The following PSTPIP2 variants were observed in gnomAD, a reference collection of about 807,000 sequenced individuals.
PSTPIP2 encodes the protein proline-serine-threonine phosphatase interacting protein 2.
Under a neutral mutation model 63.3 loss-of-function variants are expected in PSTPIP2, and 33 were observed. That is an observed-to-expected ratio of 0.52 (90% CI 0.40 to 0.70). The LOEUF (loss-of-function observed/expected upper bound fraction) is 0.70, where lower values mean the gene tolerates loss of function less well. PSTPIP2 is among the 30% of genes least tolerant of loss of function. PSTPIP2 has a pLI of 0.00. For missense variants in PSTPIP2, 312 were observed against 400.7 expected (o/e 0.78, Z 1.89); for synonymous variants, 125 against 132.7 (o/e 0.94, Z 0.40).
At chr18:46,048,388 C>G (rs1189286918) in intron 1 of PSTPIP2, among the ~76,000 whole-genome samples, 1 of 152,212 alleles carries the variant, frequency 6.6e-6, no homozygotes, top group Non-Finnish European at 1.5e-5. Context: ...TTATGACCTC[C>G]AGAACCATAA....
chr18:45,990,287 T>C (rs752445268), intron 13 of PSTPIP2, among the ~76,000 whole-genome samples: 7 of 152,246 alleles, frequency 4.6e-5, no homozygotes, highest in Non-Finnish European at 8.8e-5. Flanking sequence ...AGTAGTATTA[T>C]AGTAAGATTC....
intron 3 of PSTPIP2, among the ~76,000 whole-genome samples, chr18:46,018,378 G>A (rs1291786487): frequency 2.0e-5 from 3 of 152,014 alleles, no homozygotes; most frequent in African/African-American, 4.8e-5. Context: ...TCAAGGCTTA[G>A]AGAGGTATCT....
At chr18:46,003,229 C>T (rs1004599727) in intron 6 of PSTPIP2, among the ~76,000 whole-genome samples, 6 of 152,188 alleles carry the variant, frequency 3.9e-5, no homozygotes, top group Non-Finnish European at 5.9e-5. Flanking sequence ...AGAGGGTGTA[C>T]ATCATTATTT....
chr18:46,020,517 G>T (rs942322920), intron 3 of PSTPIP2, among the ~76,000 whole-genome samples: 1 of 152,150 alleles, frequency 6.6e-6, no homozygotes, highest in African/African-American at 2.4e-5. Flanking sequence ...GCCAGGTGGG[G>T]TGGCGAGTGC....
chr18:46,001,974 C>T (rs1300744025), intron 6 of PSTPIP2, among the ~76,000 whole-genome samples: 2 of 152,026 alleles, frequency 1.3e-5, no homozygotes, highest in Non-Finnish European at 2.9e-5. Flanking sequence ...TGCTATCATC[C>T]CCTTCAGTTT....
At chr18:46,041,196 C>A in intron 1 of PSTPIP2, 1 of 390,980 alleles carries the variant, frequency 2.6e-6, no homozygotes, top group Non-Finnish European at 5.0e-6. Flanking sequence ...AACATGCTCT[C>A]CGTGGTCACT....
chr18:46,039,821 C>G (rs1908124263), intron 2 of PSTPIP2, 126 bp downstream of exon 2: 1 of 791,230 alleles, frequency 1.3e-6, no homozygotes, highest in Admixed American at 2.1e-5. Flanking sequence ...GGTATCATTC[C>G]ATAACCTAGA....
chr18:46,016,004 C>T (rs1453821621), intron 3 of PSTPIP2, 67 bp from the exon 4 acceptor site: 6 of 1,524,398 alleles, frequency 3.9e-6, no homozygotes, highest in South Asian at 1.2e-5. Flanking sequence ...ATTATAATGC[C>T]TTTGCATGCT....
chr18:46,046,694 G>A (rs1282165337), intron 1 of PSTPIP2, among the ~76,000 whole-genome samples: 1 of 152,236 alleles, frequency 6.6e-6, no homozygotes, highest in East Asian at 1.9e-4. Context: ...ACTAGAGAAT[G>A]GGGAGGTGAG....
chr18:46,049,458 TTAAAA>T (rs1276437293), intron 1 of PSTPIP2, among the ~76,000 whole-genome samples: 1 of 151,592 alleles, frequency 6.6e-6, no homozygotes, highest in South Asian at 2.1e-4. Context: ...ATCCCTGAAC[TTAAAA>T]TAAAAGTTTA....
At chr18:46,010,707 A>C (rs1204875464) in intron 5 of PSTPIP2, 1 of 155,092 alleles carries the variant, frequency 6.4e-6, no homozygotes, top group Non-Finnish European at 1.4e-5. Context: ...TGAAGACAAG[A>C]GTACTCGGAG....
chr18:46,043,994 C>G (rs770223918), intron 1 of PSTPIP2, among the ~76,000 whole-genome samples: 9 of 151,912 alleles, frequency 5.9e-5, no homozygotes, highest in Non-Finnish European at 1.2e-4. Flanking sequence ...GGAAGAAGAC[C>G]TAAATAAAAG....
chr18:46,019,550 CAGCACG>C (rs2144091044), intron 3 of PSTPIP2, among the ~76,000 whole-genome samples: 1 of 152,282 alleles, frequency 6.6e-6, no homozygotes, highest in South Asian at 2.1e-4. Flanking sequence ...CCTGTAATCC[CAGCACG>C]TTGCGAGGCC....
At chr18:45,988,537 G>A (rs2051490796) in intron 14 of PSTPIP2, among the ~76,000 whole-genome samples, 165 bp downstream of exon 14, 2 of 152,064 alleles carry the variant, frequency 1.3e-5, no homozygotes, top group Non-Finnish European at 2.9e-5. Context: ...TTCCAGCTGT[G>A]GGATCCACAG....
intron 2 of PSTPIP2, 105 bp from the exon 3 acceptor site, chr18:46,024,791 A>G (rs1361043534): frequency 1.2e-6 from 1 of 822,670 alleles, no homozygotes; most frequent in East Asian, 2.4e-5. Context: ...TGACCATAGA[A>G]GCTCAGATAC....
chr18:46,038,234 A>C (rs1286386507), intron 2 of PSTPIP2, among the ~76,000 whole-genome samples: 1 of 152,260 alleles, frequency 6.6e-6, no homozygotes, highest in African/African-American at 2.4e-5. Flanking sequence ...TGGATAAATT[A>C]ACAGGGTAGT....
chr18:46,033,387 G>A (rs1907849530), intron 2 of PSTPIP2, among the ~76,000 whole-genome samples: 1 of 152,152 alleles, frequency 6.6e-6, no homozygotes, highest in Non-Finnish European at 1.5e-5. Context: ...AATCCAACAT[G>A]ACTAGTGTCC....
intron 1 of PSTPIP2, among the ~76,000 whole-genome samples, chr18:46,050,426 G>T (rs918195242): frequency 6.6e-6 from 1 of 152,078 alleles, no homozygotes; most frequent in African/African-American, 2.4e-5. Context: ...TTAAAAATTA[G>T]CCAGGCATGG....
intron 1 of PSTPIP2, among the ~76,000 whole-genome samples, chr18:46,069,253 A>G (rs549732238): frequency 6.6e-6 from 1 of 152,188 alleles, no homozygotes; most frequent in East Asian, 1.9e-4. Context: ...TGATCATCCC[A>G]AAAACTGGAA....
Sources: gnomAD v4.1 joint callset for allele counts (sites outside exome capture counted in the v4.1 genomes callset) on GRCh38, gnomAD v4.1.1 for gene constraint, MANE v1.5 for transcripts, NCBI Gene and HGNC (gene_info 2026-07-23, HGNC 2026-07-21) for gene names.